Variants in CDHR2 observed in about 807,000 individuals in gnomAD.
CDHR2 encodes the protein cadherin-related family member 2.
In CDHR2, 104 loss-of-function variants were observed where a neutral mutation model predicts 138.6. That is an observed-to-expected ratio of 0.75 (90% CI 0.64 to 0.88). The LOEUF is 0.88. CDHR2 is among the 40% of genes least tolerant of loss of function. The pLI, the probability that CDHR2 is intolerant of heterozygous loss-of-function variation, is 0.00. For missense variants in CDHR2, 1,624 were observed against 1,727.6 expected, an observed-to-expected ratio of 0.94 and a Z score of 1.06; for synonymous variants, 755 against 742.8, an observed-to-expected ratio of 1.02 and a Z score of -0.27.
chr5:176,590,274 C>A lies in CDHR2; in HGVS notation c.3297C>A (p.Leu1099=), dbSNP rs371974737. Reference sequence around the variant, plus strand: ...CCAGGGCCCGACCTCACTCCTACCTCGATGCCTACTTTGTCTTCCCCAATG... The same window carrying A: ...CCAGGGCCCGACCTCACTCCTACCTAGATGCCTACTTTGTCTTCCCCAATG... ...SAARARPHSY[L]DAYFVFPNGS... is the part of the protein sequence containing the mutation. The change falls in exon 26 of 32, where the codon CTC becomes CTA. Residue 1099 remains leucine, a synonymous_variant. Transcript: ENST00000261944. 6.2e-7 allele frequency: 1 copy of A among 1,614,192 alleles called. No homozygotes were observed.
intron 6 of CDHR2, among the ~76,000 whole-genome samples, chr5:176,572,473 T>G (rs1758261091): frequency 1.3e-5 from 2 of 152,164 alleles, no homozygotes; most frequent in African/African-American, 4.8e-5. Flanking sequence ...CGTCTCTTTC[T>G]CAATCTTTCC....
In CDHR2 at chr5:176,586,810, G is replaced by A. The variant is rs142234507; in HGVS notation, c.2824G>A (p.Val942Met). 19 of 1,609,500 alleles carry A rather than the reference G, an allele frequency of 1.2e-5. No individual in the cohort carries two copies. In the African/African-American group the frequency reaches 1.6e-4, roughly 14 times the overall value. The change falls in exon 21 of 32, where the codon GTG (valine) becomes ATG (methionine). Residue 942 changes from valine (V) to methionine (M), a missense_variant. By Grantham distance (21) the Val-to-Met change is conservative. Around this residue, in one of 3 missense-constraint regions of CDHR2, gnomAD observed 556 missense variants for 565.7 expected, o/e 0.98. Coordinates refer to ENST00000261944, the MANE Select transcript of CDHR2 (RefSeq NM_017675.6). The part of the protein sequence containing the change: ...NKTFVIIPEL[V>M]LPNREVASVR... Reference sequence around the variant, plus strand: ...ACCTGCAGTGATCATCCCTGAACTCGTGCTGCCCAACCGGGAGGTGGCTTC... The same window carrying A: ...ACCTGCAGTGATCATCCCTGAACTCATGCTGCCCAACCGGGAGGTGGCTTC...
At chr5:176,562,733 G>T (rs1298210087) in intron 1 of CDHR2, among the ~76,000 whole-genome samples, 1 of 152,174 alleles carries the variant, frequency 6.6e-6, no homozygotes, top group Non-Finnish European at 1.5e-5. Flanking sequence ...TTCGAAATGG[G>T]GTTTGGGGCA....
intron 3 of CDHR2, among the ~76,000 whole-genome samples, chr5:176,567,639 G>A (rs892301864): frequency 3.3e-5 from 5 of 152,102 alleles, no homozygotes; most frequent in Non-Finnish European, 5.9e-5. Flanking sequence ...TTATAGGCAC[G>A]TGCCACCAGG....
At chr5:176,560,217 T>G (rs1300901167) in intron 1 of CDHR2, among the ~76,000 whole-genome samples, 1 of 152,046 alleles carries the variant, frequency 6.6e-6, no homozygotes, top group African/African-American at 2.4e-5. Flanking sequence ...GCCAACATGG[T>G]GAAACCCCGT....
chr5:176,582,184 T>G (rs575279750), intron 17 of CDHR2, among the ~76,000 whole-genome samples: 7 of 151,850 alleles, frequency 4.6e-5, no homozygotes, highest in African/African-American at 1.7e-4. Flanking sequence ...CCATGCCTGG[T>G]TAATTTTTTT....
At chr5:176,548,192 G>A (rs760288714), upstream of CDHR2, among the ~76,000 whole-genome samples, 14 of 152,214 alleles carry the variant, frequency 9.2e-5, no homozygotes, top group East Asian at 5.8e-4. Context: ...TTATGGGACC[G>A]CTATTATATG....
intron 21 of CDHR2, among the ~76,000 whole-genome samples, chr5:176,588,538 T>TGA (rs68006487): frequency 0.3 from 45,143 of 148,738 alleles, 7,140 homozygotes; most frequent in African/African-American, 0.4. Context: ...TGTGTTAGGG[T>TGA]GAGTGAGTGT....
intron 1 of CDHR2, among the ~76,000 whole-genome samples, chr5:176,562,445 AG>A (rs1757987152): frequency 6.6e-6 from 1 of 151,578 alleles, no homozygotes; most frequent in Admixed American, 6.6e-5. Flanking sequence ...ACTCGGGAGG[AG>A]GGGTGGGCAG....
chr5:176,577,688 A>T lies in CDHR2; in HGVS notation c.1402A>T (p.Ile468Phe). 6.2e-7 allele frequency: 1 copy of T among 1,614,220 alleles called. No individual in the cohort carries two copies. ...SQNFSVAMVT[I>F]HLRDINDHRP... ...GAACTTCTCCGTCGCCATGGTGACC[A>T]TCCACCTTAGAGACATTAATGACCA... Residue 468 changes from isoleucine to phenylalanine, a missense_variant, in exon 14 of 32, where the codon ATC becomes TTC. This residue lies in a region of CDHR2 where 1,061 missense variants were observed against 1,136.6 expected (regional missense o/e 0.93). Coordinates refer to ENST00000261944, the MANE Select transcript of CDHR2 (RefSeq NM_017675.6).
At chr5:176,585,215 G>A (rs1758630792) in intron 19 of CDHR2, among the ~76,000 whole-genome samples, 200 bp downstream of exon 19, 1 of 152,268 alleles carries the variant, frequency 6.6e-6, no homozygotes, top group Admixed American at 6.5e-5. Context: ...GGGGTGGGCT[G>A]TGAAGATTCA....
rs907761639 is a variant in CDHR2 at position 176,568,962 on chromosome 5, A to C, written c.267A>C (p.Thr89=). The part of the protein sequence containing the change: ...VKLASALDYE[T]LYTFKVTISV... ...CCCCTTCTCTCTGGCTGCTGCAGACACTCTACACATTCAAAGTCACCATCT... is the reference window on the plus strand; with the variant it reads ...CCCCTTCTCTCTGGCTGCTGCAGACCCTCTACACATTCAAAGTCACCATCT... The change falls in exon 5 of 32, where the codon ACA becomes ACC. Residue 89 remains threonine (T), a splice_region_variant and synonymous_variant. Coordinates refer to ENST00000261944, the MANE Select transcript of CDHR2 (RefSeq NM_017675.6). 1 of 1,613,758 alleles carries C rather than the reference A, an allele frequency of 6.2e-7. No homozygotes were observed. The highest frequency in any genetic ancestry group is 8.5e-7 in the Non-Finnish European group (1 of 1,179,936).
At chr5:176,570,753 A>C (rs934536174) in intron 5 of CDHR2, among the ~76,000 whole-genome samples, 1 of 152,176 alleles carries the variant, frequency 6.6e-6, no homozygotes, top group East Asian at 1.9e-4. Context: ...GGAGTTCAAG[A>C]GCAGCCTGAC....
intron 31 of CDHR2, among the ~76,000 whole-genome samples, chr5:176,594,880 G>A (rs1213172576): frequency 6.6e-6 from 1 of 152,190 alleles, no homozygotes; most frequent in African/African-American, 2.4e-5. Context: ...GTCGCATGGC[G>A]AGGTGGAAGA....
intron 21 of CDHR2, among the ~76,000 whole-genome samples, chr5:176,587,481 A>T (rs1758698026): frequency 6.6e-6 from 1 of 151,626 alleles, no homozygotes; most frequent in Non-Finnish European, 1.5e-5. Context: ...AAATTATTGG[A>T]GCCAAGTCAT....
At position 176,553,926 on chromosome 5, in the gene CDHR2, T is replaced by G. The variant is rs928584893; in HGVS notation, c.-16+4512T>G. ...CTCACTGCCCTTGACTCCAGCGCTA[T>G]GATGTCACTCTCCAGGGTGTAGCTG... On this transcript the variant is annotated intron_variant, in intron 1 of 31. Coordinates refer to ENST00000261944, the MANE Select transcript of CDHR2 (RefSeq NM_017675.6). This position sits in a 1 kb window ranked among gnomAD's most constrained non-coding sequence, Gnocchi z 4.3. Among the ~76,000 whole-genome samples, 1 of 152,208 alleles carries G rather than the reference T, an allele frequency of 6.6e-6. No homozygotes were observed. Among genetic ancestry groups the G allele is most frequent in the African/African-American group, 2.4e-5 (1 of 41,462 alleles).
In CDHR2 at chr5:176,577,786, C is replaced by T. The variant is rs145325946; in HGVS notation, c.1500C>T (p.Thr500=). 1.6e-4 allele frequency: 262 copies of T among 1,614,052 alleles called. 2 individuals carry two copies. The Admixed American group carries it at 4.1e-3, about 25-fold the overall frequency. Residue 500 remains threonine (T), a synonymous_variant, in exon 14 of 32, where the codon ACC becomes ACT. Transcript: ENST00000261944. The part of the protein sequence containing the change: ...PEHSATGSVV[T]DSIHATDPDT... ...ACAGCGCCACCGGCTCTGTGGTCAC[C>T]GACAGCATCCACGTGAGTGATGTGG...
At chr5:176,584,298 G>C in intron 18 of CDHR2, 39 bp downstream of exon 18, 1 of 1,612,926 alleles carries the variant, frequency 6.2e-7, no homozygotes, top group South Asian at 1.1e-5. Flanking sequence ...CTGCGGCTGG[G>C]ACCCAGTGTG....
At chr5:176,564,913 G>A (rs114945213) in intron 1 of CDHR2, among the ~76,000 whole-genome samples, 1 of 152,146 alleles carries the variant, frequency 6.6e-6, no homozygotes, top group South Asian at 2.1e-4. Flanking sequence ...TAACAGGCAG[G>A]TATAGATGGT....
Sources: gnomAD v4.1 joint callset for allele counts (sites outside exome capture counted in the v4.1 genomes callset) on GRCh38, gnomAD v4.1.1 for gene constraint, gnomAD v4.1.1 regional missense constraint, Gnocchi (gnomAD v3.1) non-coding constraint, MANE v1.5 for transcripts, NCBI Gene and HGNC (gene_info 2026-07-23, HGNC 2026-07-21) for gene names.